Variants in OTOF observed in about 807,000 individuals in gnomAD.
OTOF encodes the protein fer-1-like family member 2.
OTOF carries 218 observed loss-of-function variants against 236.8 expected under a neutral mutation model. That is an observed-to-expected ratio of 0.92 (90% confidence interval 0.82 to 1.03). The LOEUF (loss-of-function observed/expected upper bound fraction) is 1.03, where lower values mean the gene tolerates loss of function less well. Ranked by LOEUF, OTOF falls within the 50% of genes least tolerant of loss-of-function variation. The probability of loss-of-function intolerance (pLI) is 0.00; values close to 1 mark genes in which losing one functional copy is unlikely to be tolerated. For missense variants in OTOF, 2,590 were observed against 2,694.4 expected (o/e 0.96, Z 0.86); for synonymous variants, 1,041 against 1,072.5 (o/e 0.97, Z 0.57).
chr2:26,462,975 C>A lies in OTOF; in HGVS notation c.5192+508G>T, dbSNP rs1469494270. On this transcript the variant is annotated intron_variant, in intron 41 of 46. Coordinates refer to ENST00000272371, the MANE Select transcript of OTOF (RefSeq NM_194248.3). This position sits in a 1 kb window ranked among gnomAD's most constrained non-coding sequence, Gnocchi z 4.7. The stretch of plus-strand genomic sequence containing the variant: ...TCTACCACCTCCTGCCTCTTCCAGG[C>A]ACTCACTCCTGGATTCATCACTGGC... Among the ~76,000 whole-genome samples the A allele has an allele frequency of 6.6e-6, 1 of 152,190 alleles. No homozygotes were observed. Among genetic ancestry groups the A allele is most frequent in the Non-Finnish European group, 1.5e-5 (1 of 68,024 alleles).
At chr2:26,496,146 A>G (rs746569375) in intron 8 of OTOF, among the ~76,000 whole-genome samples, 9 of 152,152 alleles carry the variant, frequency 5.9e-5, no homozygotes, top group Non-Finnish European at 1.2e-4. Context: ...TCATTCATGC[A>G]ACAAATGTTT....
intron 32 of OTOF, among the ~76,000 whole-genome samples, chr2:26,469,138 G>T (rs1013141404): frequency 1.6e-4 from 24 of 152,070 alleles, no homozygotes; most frequent in African/African-American, 5.8e-4. Context: ...TGCTTTTAGT[G>T]ATATTAATAA....
In OTOF at chr2:26,557,931, A is replaced by G. The variant is rs79308502; in HGVS notation, c.79+562T>C. Among the ~76,000 whole-genome samples the G allele has an allele frequency of 8.7e-3, 1,323 of 152,004 alleles. 24 individuals carry two copies. Among genetic ancestry groups the G allele is most frequent in the African/African-American group, 0.029 (1,221 of 41,448 alleles). The stretch of plus-strand genomic sequence containing the variant: ...ATCATAATAAATGGTCGCTGAATAC[A>G]GGAGTGAAAAGGATGAGAAAAGACC... On this transcript the variant is annotated intron_variant, in intron 1 of 46. Coordinates refer to ENST00000272371, the MANE Select transcript of OTOF (RefSeq NM_194248.3).
At chr2:26,534,112 C>G (rs767727762) in intron 2 of OTOF, among the ~76,000 whole-genome samples, 4 of 152,174 alleles carry the variant, frequency 2.6e-5, no homozygotes, top group Non-Finnish European at 5.9e-5. Context: ...GGGTTTAAAT[C>G]CTGTTGTGGC....
At chr2:26,558,346 C>T in intron 1 of OTOF, 147 bp downstream of exon 1, 2 of 713,702 alleles carry the variant, frequency 2.8e-6, no homozygotes, top group South Asian at 3.1e-5. Flanking sequence ...AGGCAGATGA[C>T]TACCTGTGAA....
intron 5 of OTOF, among the ~76,000 whole-genome samples, chr2:26,504,887 G>T (rs1435550761): frequency 1.3e-5 from 2 of 152,164 alleles, no homozygotes; most frequent in Non-Finnish European, 2.9e-5. Context: ...CCAGGTGTAG[G>T]CTCCAACCTG....
chr2:26,510,835 G>A lies in OTOF; in HGVS notation c.509+5583C>T, dbSNP rs1025301994. ...ACACTGGCCTCAGCCCCGGCCCCAC[G>A]GGCCTGCACGCTCCCCGGGGGCCTC... On this transcript the variant is annotated intron_variant, in intron 5 of 46. Coordinates refer to ENST00000272371, the MANE Select transcript of OTOF (RefSeq NM_194248.3). The A allele has an allele frequency of 4.2e-5, 35 of 841,046 alleles. 1 individual carries two copies. Among genetic ancestry groups the A allele is most frequent in the South Asian group, 2.5e-4 (17 of 68,788 alleles). The allele number at this position is 841,046 out of a possible 1,614,324, so 52.1% of individuals were successfully genotyped here. A position where few individuals can be genotyped will look rare whatever the true frequency, so the allele number is the denominator to read the frequency against.
In OTOF at chr2:26,467,116, T is replaced by C. The variant is rs1664767910; in HGVS notation, c.4345A>G (p.Ile1449Val). The C allele has an allele frequency of 6.2e-7, 1 of 1,613,732 alleles. No individual in the cohort carries two copies. Among genetic ancestry groups the C allele is most frequent in the Non-Finnish European group, 8.5e-7 (1 of 1,180,010 alleles). The change falls in exon 35 of 47, where the codon ATT becomes GTT. Residue 1449 changes from isoleucine (I) to valine (V), a missense_variant. Around this residue, in one of 2 missense-constraint regions of OTOF, gnomAD observed 1,211 missense variants for 1,352.8 expected, o/e 0.90. Transcript: ENST00000272371. The part of the protein sequence containing the change: ...DEDGSTEEER[I>V]VGRFKGSLCV... ...GGCCTGACCTTGAAGCGTCCCACAA[T>C]GCGCTCCTCCTCGGTGGAGCCATCC...
At chr2:26,524,066 A>G (rs576735383) in intron 3 of OTOF, among the ~76,000 whole-genome samples, 280 of 152,376 alleles carry the variant, frequency 1.8e-3, no homozygotes, top group Non-Finnish European at 3.7e-3. Flanking sequence ...TAGGCTTCCA[A>G]AGAAATGCCA....
At chr2:26,510,789 G>GTCCCTCCAAA in intron 5 of OTOF, 1 of 1,245,082 alleles carries the variant, frequency 8.0e-7, no homozygotes, top group Admixed American at 2.3e-5. Flanking sequence ...GGGGACACGT[G>GTCCCTCCAAA]TGAGGGGCTG....
intron 5 of OTOF, among the ~76,000 whole-genome samples, chr2:26,510,015 T>C (rs540958123): frequency 6.6e-6 from 1 of 152,300 alleles, no homozygotes; most frequent in South Asian, 2.1e-4. Flanking sequence ...CAGATGTCAG[T>C]GTGCTTCTAG....
Position 26,470,100 on chromosome 2 carries a change from A to G in OTOF, c.4023+493T>C, listed in dbSNP as rs74479487. On this transcript the variant is annotated intron_variant, in intron 32 of 46. Coordinates refer to ENST00000272371, the MANE Select transcript of OTOF (RefSeq NM_194248.3). The surrounding 1 kb of genome is among the most constrained non-coding windows in gnomAD (Gnocchi z 4.3). ...ATAAAACATTATGAAGAAGAGTCGT[A>G]AGGACTACTGATAAGCAGTTGTTCC... is the stretch of plus-strand genomic sequence containing the variant. Among the ~76,000 whole-genome samples the G allele has an allele frequency of 0.035, 5,386 of 152,304 alleles. 142 individuals carry two copies. Among genetic ancestry groups the G allele is most frequent in the East Asian group, 0.14 (747 of 5,178 alleles).
intron 1 of OTOF, among the ~76,000 whole-genome samples, chr2:26,549,727 A>G (rs1381656553): frequency 6.6e-6 from 1 of 152,230 alleles, no homozygotes; most frequent in African/African-American, 2.4e-5. Flanking sequence ...GGCAGGGATG[A>G]TAAATCCCAT....
chr2:26,549,930 G>A (rs1572499597), intron 1 of OTOF, among the ~76,000 whole-genome samples: 1 of 152,286 alleles, frequency 6.6e-6, no homozygotes, highest in East Asian at 1.9e-4. Context: ...AGATTCCCCT[G>A]TTACGGTGAC....
chr2:26,482,657 G>A, intron 13 of OTOF, 65 bp from the exon 14 acceptor site: 1 of 1,405,350 alleles, frequency 7.1e-7, no homozygotes, highest in Non-Finnish European at 1.0e-6. Flanking sequence ...ATGTGTGTGT[G>A]TGTGAGTGGG....
At chr2:26,514,632 C>T (rs1666475205) in intron 5 of OTOF, among the ~76,000 whole-genome samples, 1 of 152,198 alleles carries the variant, frequency 6.6e-6, no homozygotes, top group South Asian at 2.1e-4. Context: ...CCCTTAGGAC[C>T]TCAGAGTTGG....
Position 26,460,247 on chromosome 2 carries a change from G to T in OTOF, c.5814-42C>A. ...AGAGAGCGCAGAGGAGGGACAGGGAGGAGAAGGGATTGGGTGTGGCGAGGG... is the reference window on the plus strand; with the variant it reads ...AGAGAGCGCAGAGGAGGGACAGGGATGAGAAGGGATTGGGTGTGGCGAGGG... On this transcript the variant is annotated intron_variant, in intron 45 of 46. Coordinates refer to ENST00000272371, the MANE Select transcript of OTOF (RefSeq NM_194248.3). The surrounding 1 kb of genome is among the most constrained non-coding windows in gnomAD (Gnocchi z 5.3). The T allele has an allele frequency of 6.6e-7, 1 of 1,526,148 alleles. No homozygotes were observed. The highest frequency in any genetic ancestry group is 9.0e-7 in the Non-Finnish European group (1 of 1,116,584). 94.5% of individuals were successfully genotyped at this position (1,526,148 alleles called of 1,614,324 possible). A position where few individuals can be genotyped will look rare whatever the true frequency, so the allele number is the denominator to read the frequency against.
Position 26,473,504 on chromosome 2 carries a change from C to T in OTOF, c.3472G>A (p.Val1158Met). The T allele has an allele frequency of 6.2e-7, 1 of 1,612,974 alleles. No homozygotes were observed. Residue 1158 changes from valine (V) to methionine (M), a missense_variant, in exon 28 of 47, where the codon GTG (valine) becomes ATG (methionine). By Grantham distance (21) the Val-to-Met change is conservative. Around this residue, in one of 2 missense-constraint regions of OTOF, gnomAD observed 1,211 missense variants for 1,352.8 expected, o/e 0.90. Coordinates refer to ENST00000272371, the MANE Select transcript of OTOF (RefSeq NM_194248.3). The surrounding 1 kb of genome is among the most constrained non-coding windows in gnomAD (Gnocchi z 7.2). ...CCCTTCCCTGCACACTCGATGTCCACCCGTGGCCGGTCCACCTGGGCCAGG... is the reference window on the plus strand; with the variant it reads ...CCCTTCCCTGCACACTCGATGTCCATCCGTGGCCGGTCCACCTGGGCCAGG... Reference protein sequence around the residue: ...VNLAQVDRPRVDIECAGKGVQ... With the variant: ...VNLAQVDRPRMDIECAGKGVQ...
intron 2 of OTOF, among the ~76,000 whole-genome samples, chr2:26,534,099 C>T (rs1366093450): frequency 2.0e-5 from 3 of 152,192 alleles, no homozygotes; most frequent in Non-Finnish European, 2.9e-5. Context: ...ATCAGATAGA[C>T]TCGGGTTTAA....
Sources: allele counts gnomAD v4.1 joint callset (sites outside exome capture counted in the v4.1 genomes callset), GRCh38; gene constraint gnomAD v4.1.1; regional missense constraint gnomAD v4.1.1; non-coding constraint Gnocchi (gnomAD v3.1); transcripts MANE v1.5; gene names NCBI Gene and HGNC (gene_info 2026-07-23, HGNC 2026-07-21).